The following ZNF575 variants were observed in gnomAD, a reference collection of about 807,000 sequenced individuals.
ZNF575 encodes zinc finger protein 575.
Under a neutral mutation model 17.5 loss-of-function variants are expected in ZNF575, and 17 were observed. The ratio of observed to expected loss-of-function variants is 0.97; its 90% confidence interval spans 0.66 to 1.45. The LOEUF (loss-of-function observed/expected upper bound fraction) is 1.45. Ranked by LOEUF, ZNF575 falls within the 40% of genes most tolerant of loss-of-function variation. The probability of loss-of-function intolerance (pLI) is 0.00; values close to 1 mark genes in which losing one functional copy is unlikely to be tolerated. For missense variants in ZNF575, 352 were observed against 359.2 expected (o/e 0.98, Z 0.16); for synonymous variants, 146 against 158.3 (o/e 0.92, Z 0.58).
chr19:43,533,391 A>T lies in ZNF575; in HGVS notation c.-325A>T, dbSNP rs956818379. On this transcript the variant is annotated 5_prime_UTR_variant, in exon 1 of 4. Transcript: ENST00000314228. ...GCGCTCCCTTGCCTGCCCTCCCCCG[A>T]CGCCGGACGCGCGCCGGGCGGGGCA... The T allele has an allele frequency of 2.6e-5, 4 of 151,988 alleles. No individual in the cohort carries two copies. The highest frequency in any genetic ancestry group is 5.9e-5 in the Non-Finnish European group (4 of 67,972). The allele number at this position is 151,988 out of a possible 1,614,324, so 9.4% of individuals were successfully genotyped here.
chr19:43,535,116 G>GGCCCCCGCCCCAGCGCCCGCACCGCT lies in ZNF575; in HGVS notation c.173_198dup (p.Asp67ArgfsTer26), dbSNP rs1568507100. The GGCCCCCGCCCCAGCGCCCGCACCGCT allele has an allele frequency of 3.9e-6, 6 of 1,521,104 alleles. No individual in the cohort carries two copies. The African/African-American group carries it at 8.6e-5, about 22-fold the overall frequency. 94.2% of individuals were successfully genotyped at this position (1,521,104 alleles called of 1,614,324 possible). A position where few individuals can be genotyped will look rare whatever the true frequency, so the allele number is the denominator to read the frequency against. ...GGCTCGCCTCCCCGGCCTCGCCGGC[G>GGCCCCCGCCCCAGCGCCCGCACCGCT]GCCCCCGCCCCAGCGCCCGCACCGC... On this transcript the variant is annotated frameshift_variant, in exon 4 of 4. Coordinates refer to ENST00000314228, the MANE Select transcript of ZNF575 (RefSeq NM_174945.3). LOFTEE classifies it high-confidence loss of function.
In ZNF575 at chr19:43,535,271, G is replaced by A; in HGVS notation, c.322G>A (p.Ala108Thr). 3.1e-6 allele frequency: 5 copies of A among 1,611,940 alleles called. No individual in the cohort carries two copies. The highest frequency in any genetic ancestry group is 4.2e-6 in the Non-Finnish European group (5 of 1,179,440). The change falls in exon 4 of 4, where the codon GCC (alanine) becomes ACC (threonine). Residue 108 changes from alanine (A) to threonine (T), a missense_variant. By Grantham distance (58) the Ala-to-Thr change is moderately conservative. Transcript: ENST00000314228. ...CTTCTCCTACCCCTCCAAGCTGGCA[G>A]CCCACCGCCTCACGCACAGCGGCGC... ...KAFSYPSKLA[A>T]HRLTHSGARP...
In ZNF575 at chr19:43,535,294, C is replaced by T. The variant is rs1371510425; in HGVS notation, c.345C>T (p.Gly115=). The change falls in exon 4 of 4, where the codon GGC becomes GGT. Residue 115 remains glycine, a synonymous_variant. Transcript: ENST00000314228. ...CAGCCCACCGCCTCACGCACAGCGGCGCCCGCCCGCACCCGTGCCCACACT... is the reference window on the plus strand; with the variant it reads ...CAGCCCACCGCCTCACGCACAGCGGTGCCCGCCCGCACCCGTGCCCACACT... ...KLAAHRLTHS[G]ARPHPCPHCP... is the part of the protein sequence containing the mutation. 2 of 1,611,736 alleles carry T rather than the reference C, an allele frequency of 1.2e-6. No homozygotes were observed. Among genetic ancestry groups the T allele is most frequent in the Non-Finnish European group, 1.7e-6 (2 of 1,179,514 alleles).
chr19:43,532,785 G>C (rs77597142), upstream of ZNF575, among the ~76,000 whole-genome samples: 11 of 152,226 alleles, frequency 7.2e-5, no homozygotes, highest in African/African-American at 2.7e-4. Context: ...GCATGGGCCA[G>C]GGCACCTCGG....
chr19:43,534,954 A>G, intron 3 of ZNF575, 75 bp from the exon 4 acceptor site: 5 of 1,310,470 alleles, frequency 3.8e-6, no homozygotes, highest in Non-Finnish European at 4.9e-6. Flanking sequence ...ACGAATATCA[A>G]AGTCGTGGCG....
intron 3 of ZNF575, 78 bp from the exon 4 acceptor site, chr19:43,534,951 T>C (rs1600031074): frequency 1.5e-6 from 2 of 1,313,026 alleles, no homozygotes; most frequent in East Asian, 6.1e-5. Flanking sequence ...CCCACGAATA[T>C]CAAAGTCGTG....
At chr19:43,534,299 C>A in intron 2 of ZNF575, 38 bp from the exon 3 acceptor site, 2 of 905,826 alleles carry the variant, frequency 2.2e-6, no homozygotes, top group South Asian at 1.5e-5. Flanking sequence ...CCCATACTTG[C>A]AGACCTTGCT....
rs780677737 is a variant in ZNF575, at chr19:43,535,353, C to T, written c.404C>T (p.Ala135Val). The change falls in exon 4 of 4, where the codon GCG (alanine) becomes GTG (valine). Residue 135 changes from alanine (A) to valine (V), a missense_variant. Physicochemically the swap from Ala to Val is moderately conservative, Grantham distance 64 (BLOSUM62 0). Transcript: ENST00000314228. The stretch of plus-strand genomic sequence containing the variant: ...TCCTTTGGCCACCGCTCCAAGCTGG[C>T]GGCTCACCTCTGGACCCACGCACCC... ...PKSFGHRSKL[A>V]AHLWTHAPTR... 7.5e-6 allele frequency: 12 copies of T among 1,591,208 alleles called. No homozygotes were observed. Among genetic ancestry groups the T allele is most frequent in the Non-Finnish European group, 9.4e-6 (11 of 1,164,520 alleles).
chr19:43,532,450 A>G (rs1972356341), upstream of ZNF575, among the ~76,000 whole-genome samples: 1 of 152,172 alleles, frequency 6.6e-6, no homozygotes, highest in Non-Finnish European at 1.5e-5. Context: ...AACACTTTCC[A>G]TTGATTATCA....
rs780516124 is a variant in ZNF575, at chr19:43,535,484, T to C, written c.535T>C (p.Cys179Arg). ...CGCCACCGACGCCCGCCCCTATCCT[T>C]GCCCGCATTGCCCCAAGGCTTTCTC... ...HHATDARPYPCPHCPKAFSFP... is the reference protein window; with the variant it reads ...HHATDARPYPRPHCPKAFSFP... The change falls in exon 4 of 4, where the codon TGC becomes CGC. Residue 179 changes from cysteine (C) to arginine (R), a missense_variant. Coordinates refer to ENST00000314228, the MANE Select transcript of ZNF575 (RefSeq NM_174945.3). The C allele has an allele frequency of 2.9e-5, 47 of 1,613,692 alleles. 1 individual carries two copies. The South Asian group carries it at 5.2e-4, about 18-fold the overall frequency.
upstream of ZNF575, among the ~76,000 whole-genome samples, chr19:43,532,759 A>G (rs909006227): frequency 6.6e-6 from 1 of 152,218 alleles, no homozygotes; most frequent in Non-Finnish European, 1.5e-5. Flanking sequence ...ATGCCACCCC[A>G]GGCCTGGCAC....
Position 43,535,161 on chromosome 19 carries a change from CCTT to C in ZNF575, c.215_217del (p.Phe72del). The C allele has an allele frequency of 6.2e-7, 1 of 1,600,678 alleles. No individual in the cohort carries two copies. The highest frequency in any genetic ancestry group is 1.3e-5 in the African/African-American group (1 of 74,754). ...CACCGCTGCCCCGACTGTGACAAGG[CCTT>C]CTCGTACCCGTCCAAGCTGGCCACG... On this transcript the variant is annotated inframe_deletion, in exon 4 of 4. Transcript: ENST00000314228.
chr19:43,534,549 G>A (rs895181061), intron 3 of ZNF575, 48 bp downstream of exon 3: 57 of 1,389,676 alleles, frequency 4.1e-5, no homozygotes, highest in Non-Finnish European at 5.1e-5. Flanking sequence ...AGGAACGGGG[G>A]CCAAAATAAT....
At chr19:43,534,307 G>C in intron 2 of ZNF575, 30 bp from the exon 3 acceptor site, 1 of 977,992 alleles carries the variant, frequency 1.0e-6, no homozygotes, top group Middle Eastern at 2.1e-4. Flanking sequence ...TGCAGACCTT[G>C]CTCCTAAACA....
intron 3 of ZNF575, 43 bp downstream of exon 3, chr19:43,534,544 C>T (rs993559734): frequency 2.2e-6 from 3 of 1,393,608 alleles, no homozygotes. Flanking sequence ...TCTCCAGGAA[C>T]GGGGGCCAAA....
rs1163828186 is a variant in ZNF575 at position 43,534,512 on chromosome 19, C to G, written c.79+11C>G. 7.0e-7 allele frequency: 1 copy of G among 1,436,502 alleles called. No homozygotes were observed. Among genetic ancestry groups the G allele is most frequent in the Middle Eastern group, 1.8e-4 (1 of 5,432 alleles). The allele number at this position is 1,436,502 out of a possible 1,614,324, so 89.0% of individuals were successfully genotyped here. ...CAGTGACCAAAGAAGGTGAGAGTGC[C>G]CCGCCTGTGAGTAGGGAGCATTCTC... On this transcript the variant is annotated intron_variant, in intron 3 of 3. Coordinates refer to ENST00000314228, the MANE Select transcript of ZNF575 (RefSeq NM_174945.3).
At chr19:43,531,924 G>A (rs1397255220), upstream of ZNF575, 3 of 427,980 alleles carry the variant, frequency 7.0e-6, no homozygotes, top group African/African-American at 4.6e-5. Context: ...TGGGACTACA[G>A]GCTGCCATTA....
chr19:43,535,564 C>T lies in ZNF575; in HGVS notation c.615C>T (p.Pro205=), dbSNP rs1568507739. The change falls in exon 4 of 4, where the codon CCC becomes CCT. Residue 205 remains proline, a synonymous_variant. Transcript: ENST00000314228. The stretch of plus-strand genomic sequence containing the variant: ...TATGTCACGACCCCCCAACCGCGCC[C>T]GGCAGCCAGGCGACTGCCTGGCACC... ...HRLCHDPPTA[P]GSQATAWHRC... is the part of the protein sequence containing the mutation. 4 of 1,613,914 alleles carry T rather than the reference C, an allele frequency of 2.5e-6. No homozygotes were observed. The highest frequency in any genetic ancestry group is 2.2e-5 in the East Asian group (1 of 44,876).
intron 3 of ZNF575, 118 bp downstream of exon 3, chr19:43,534,619 GA>G: frequency 2.0e-6 from 2 of 1,025,082 alleles, no homozygotes; most frequent in South Asian, 4.3e-5. Context: ...GACTATTTGG[GA>G]TCCCCAAAAC....
Sources: allele counts gnomAD v4.1 joint callset (sites outside exome capture counted in the v4.1 genomes callset), GRCh38; gene constraint gnomAD v4.1.1; transcripts MANE v1.5; gene names NCBI Gene and HGNC (gene_info 2026-07-23, HGNC 2026-07-21).